Variants in BROX observed in about 807,000 individuals in gnomAD.
BROX encodes the protein BRO1 domain and CAAX motif containing, also known as BRO1 domain-containing protein BROX.
A neutral mutation model predicts 61.0 loss-of-function variants in BROX; 53 were observed. The observed-to-expected ratio is 0.87, with a 90% CI of 0.70 to 1.09. BROX has a LOEUF of 1.09. Among genes scored for constraint, BROX ranks in the 50% least tolerant of loss-of-function variants. BROX has a pLI of 0.00. For missense variants in BROX, 489 were observed against 472.0 expected (o/e 1.04, Z -0.33); for synonymous variants, 152 against 160.2 (o/e 0.95, Z 0.38).
intron 7 of BROX, 70 bp downstream of exon 7, chr1:222,725,625 A>G: frequency 1.5e-6 from 2 of 1,306,756 alleles, no homozygotes; most frequent in East Asian, 5.1e-5. Context: ...TTTAAAAATC[A>G]GAAGTTGGGC....
rs1268263676 is a variant in BROX at position 222,727,208 on chromosome 1, A to G, written c.621A>G (p.Gly207=). Residue 207 remains glycine, a synonymous_variant, in exon 8 of 13, where the codon GGA becomes GGG. Coordinates refer to ENST00000340934, the MANE Select transcript of BROX (RefSeq NM_144695.4). Reference sequence around the variant, plus strand: ...CAATTGAACTAAAACATGCTCCTGGACTAATTGCTGCACTGGCGTATGAAA... The same window carrying G: ...CAATTGAACTAAAACATGCTCCTGGGCTAATTGCTGCACTGGCGTATGAAA... ...ARAIELKHAP[G]LIAALAYETA... is the part of the protein sequence containing the mutation. 6.2e-6 allele frequency: 10 copies of G among 1,613,688 alleles called. No individual in the cohort carries two copies. Among genetic ancestry groups the G allele is most frequent in the African/African-American group, 1.3e-5 (1 of 74,922 alleles).
intron 10 of BROX, 100 bp downstream of exon 10, chr1:222,729,801 A>G: frequency 8.1e-7 from 1 of 1,236,608 alleles, no homozygotes; most frequent in Non-Finnish European, 1.1e-6. Flanking sequence ...GAGTTCATGA[A>G]AGGGAAATGG....
rs1278176061 is a variant in BROX at position 222,712,801 on chromosome 1, T to A, written c.-158T>A. 4 of 1,288,866 alleles carry A rather than the reference T, an allele frequency of 3.1e-6. No homozygotes were observed. Among genetic ancestry groups the A allele is most frequent in the Non-Finnish European group, 4.0e-6 (4 of 988,690 alleles). The allele number at this position is 1,288,866 out of a possible 1,614,324, so 79.8% of individuals were successfully genotyped here. On this transcript the variant is annotated 5_prime_UTR_variant, in exon 1 of 13. Transcript: ENST00000340934. ...TATCATGGCCGCCGGGTCACGTGAC[T>A]CCGGCTTGGCGCCGTCCTGGTTTTC...
chr1:222,714,488 G>C (rs561694857), intron 1 of BROX, among the ~76,000 whole-genome samples: 2 of 149,044 alleles, frequency 1.3e-5, no homozygotes, highest in African/African-American at 5.0e-5. Flanking sequence ...GTGAGCCACC[G>C]CGCGTTTTTT....
chr1:222,732,726 CACTTAG>C lies in BROX; in HGVS notation c.*14_*19del. On this transcript the variant is annotated 3_prime_UTR_variant, in exon 13 of 13. Coordinates refer to ENST00000340934, the MANE Select transcript of BROX (RefSeq NM_144695.4). ...GCTACATCTCCTAAAATACAACTTG[CACTTAG>C]AATTTCTCTAGCAGTAAATAAGATA... The C allele has an allele frequency of 6.3e-7, 1 of 1,588,070 alleles. No homozygotes were observed. The highest frequency in any genetic ancestry group is 2.2e-5 in the East Asian group (1 of 44,604).
At position 222,733,650 on chromosome 1, in the gene BROX, T is replaced by C. The variant is rs1043163583; in HGVS notation, c.*936T>C. The C allele has an allele frequency of 2.6e-5, 4 of 152,230 alleles. No homozygotes were observed. Among genetic ancestry groups the C allele is most frequent in the Admixed American group, 2.0e-4 (3 of 15,280 alleles). The allele number at this position is 152,230 out of a possible 1,614,324, so 9.4% of individuals were successfully genotyped here. On this transcript the variant is annotated 3_prime_UTR_variant, in exon 13 of 13. Transcript: ENST00000340934. Reference sequence around the variant, plus strand: ...ACTCAAAAATCAGCTTTTATAGGTATGTTGGCACCTTATCCAAGAACTTAT... The same window carrying C: ...ACTCAAAAATCAGCTTTTATAGGTACGTTGGCACCTTATCCAAGAACTTAT...
At position 222,730,007 on chromosome 1, in the gene BROX, T is replaced by C. The variant is rs754131126; in HGVS notation, c.839-20T>C. The C allele has an allele frequency of 9.5e-6, 15 of 1,585,508 alleles. No homozygotes were observed. In the African/African-American group the frequency reaches 1.4e-4, roughly 14 times the overall value. The stretch of plus-strand genomic sequence containing the variant: ...AGTGTTAATTATAATCAAAAGACTT[T>C]AAATCTCTTTCACATGCAGTGTATG... On this transcript the variant is annotated intron_variant, in intron 10 of 12. Transcript: ENST00000340934.
chr1:222,719,857 T>C (rs1656934188), intron 4 of BROX, among the ~76,000 whole-genome samples: 1 of 152,236 alleles, frequency 6.6e-6, no homozygotes, highest in Non-Finnish European at 1.5e-5. Flanking sequence ...CTTCAGAGCT[T>C]TCTTATCACT....
chr1:222,715,640 T>G, intron 1 of BROX, 44 bp from the exon 2 acceptor site: 1 of 841,388 alleles, frequency 1.2e-6, no homozygotes, highest in South Asian at 2.8e-5. Flanking sequence ...TTATTAAATA[T>G]TTTATATTTA....
chr1:222,725,606 G>A, intron 7 of BROX, 51 bp downstream of exon 7: 1 of 1,413,670 alleles, frequency 7.1e-7, no homozygotes, highest in East Asian at 2.4e-5. Flanking sequence ...TATTGTCATT[G>A]AATTCCTCTT....
Position 222,732,919 on chromosome 1 carries a change from G to A in BROX, c.*205G>A. 1 of 529,136 alleles carries A rather than the reference G, an allele frequency of 1.9e-6. No homozygotes were observed. Among genetic ancestry groups the A allele is most frequent in the Non-Finnish European group, 3.3e-6 (1 of 301,484 alleles). 32.8% of individuals were successfully genotyped at this position (529,136 alleles called of 1,614,324 possible). ...TTTTCAGACTCTCCTTTTTAATCAGGACAACATTTGAAAGATTTTATTGTG... is the reference window on the plus strand; with the variant it reads ...TTTTCAGACTCTCCTTTTTAATCAGAACAACATTTGAAAGATTTTATTGTG... On this transcript the variant is annotated 3_prime_UTR_variant, in exon 13 of 13. Transcript: ENST00000340934.
In BROX at chr1:222,734,535, T is replaced by C. The variant is rs1658162350; in HGVS notation, c.*1821T>C. 6.6e-6 allele frequency: 1 copy of C among 152,210 alleles called. No homozygotes were observed. The highest frequency in any genetic ancestry group is 6.5e-5 in the Admixed American group (1 of 15,290). The allele number at this position is 152,210 out of a possible 1,614,324, so 9.4% of individuals were successfully genotyped here. On this transcript the variant is annotated 3_prime_UTR_variant, in exon 13 of 13. Coordinates refer to ENST00000340934, the MANE Select transcript of BROX (RefSeq NM_144695.4). The stretch of plus-strand genomic sequence containing the variant: ...GAAGTACTAAATACTGCTTGCAGTA[T>C]AATATTGATATTGGAAGCTGCAGTT...
intron 11 of BROX, among the ~76,000 whole-genome samples, chr1:222,730,624 A>G (rs1219928471): frequency 6.6e-6 from 1 of 152,074 alleles, no homozygotes; most frequent in Non-Finnish European, 1.5e-5. Flanking sequence ...TTTCACGTTA[A>G]TTTTCTCTTT....
At chr1:222,721,787 T>C (rs1657113727) in intron 4 of BROX, among the ~76,000 whole-genome samples, 1 of 152,142 alleles carries the variant, frequency 6.6e-6, no homozygotes, top group Non-Finnish European at 1.5e-5. Context: ...AGCTTGCTTT[T>C]TGCCCTTCTT....
At chr1:222,722,354 A>G (rs953912600) in intron 4 of BROX, 65 bp from the exon 5 acceptor site, 68 of 1,332,292 alleles carry the variant, frequency 5.1e-5, no homozygotes, top group Non-Finnish European at 7.1e-5. Flanking sequence ...TCGGATATCC[A>G]GTAGGCTTCA....
At chr1:222,715,617 C>T (rs570393869) in intron 1 of BROX, 67 bp from the exon 2 acceptor site, 5 of 625,680 alleles carry the variant, frequency 8.0e-6, no homozygotes, top group African/African-American at 7.7e-5. Context: ...AATTGTTATG[C>T]TATTTACCTT....
intron 1 of BROX, chr1:222,715,098 G>C (rs1051313283): frequency 6.6e-6 from 1 of 152,166 alleles, no homozygotes; most frequent in South Asian, 2.1e-4. Context: ...ATTTGAACCC[G>C]TTTTGGAAAT....
At chr1:222,725,356 A>G (rs1657423704) in intron 6 of BROX, 94 bp from the exon 7 acceptor site, 4 of 747,294 alleles carry the variant, frequency 5.4e-6, no homozygotes, top group Non-Finnish European at 8.5e-6. Context: ...TCCCAGTTGA[A>G]TGTCTCATAA....
rs1338006767 is a variant in BROX at position 222,733,420 on chromosome 1, T to G, written c.*706T>G. On this transcript the variant is annotated 3_prime_UTR_variant, in exon 13 of 13. Coordinates refer to ENST00000340934, the MANE Select transcript of BROX (RefSeq NM_144695.4). ...CTATCTACACACAAAAAGTTTATTTTCCTTCCTCTTATTTGATATCAGAAG... is the reference window on the plus strand; with the variant it reads ...CTATCTACACACAAAAAGTTTATTTGCCTTCCTCTTATTTGATATCAGAAG... 1 of 152,216 alleles carries G rather than the reference T, an allele frequency of 6.6e-6. No homozygotes were observed. The highest frequency in any genetic ancestry group is 1.5e-5 in the Non-Finnish European group (1 of 68,042). 9.4% of individuals were successfully genotyped at this position (152,216 alleles called of 1,614,324 possible).
Sources: allele counts gnomAD v4.1 joint callset (sites outside exome capture counted in the v4.1 genomes callset), GRCh38; gene constraint gnomAD v4.1.1; transcripts MANE v1.5; gene names NCBI Gene and HGNC (gene_info 2026-07-23, HGNC 2026-07-21).